Variants in RP1 observed in about 807,000 individuals in gnomAD.
RP1 encodes the protein RP1 axonemal microtubule associated, also known as oxygen-regulated protein 1.
Under a neutral mutation model 14.8 loss-of-function variants are expected in RP1, and 16 were observed. The observed-to-expected ratio is 1.08, with a 90% CI of 0.73 to 1.65. The LOEUF is 1.65. Ranked by LOEUF, RP1 falls within the 40% of genes most tolerant of loss-of-function variation. The pLI, the probability that RP1 is intolerant of heterozygous loss-of-function variation, is 0.00. For missense variants in RP1, 2,631 were observed against 2,535.0 expected (o/e 1.04, Z -0.81); for synonymous variants, 876 against 883.6 (o/e 0.99, Z 0.15).
chr8:54,687,850 T>C (rs577585558), intron 12 of RP1, among the ~76,000 whole-genome samples: 5 of 152,280 alleles, frequency 3.3e-5, no homozygotes, highest in African/African-American at 1.2e-4. Context: ...CTGGGTCAAA[T>C]GGTATTTCTG....
chr8:54,780,611 C>A (rs1453711741), intron 23 of RP1, among the ~76,000 whole-genome samples: 1 of 152,110 alleles, frequency 6.6e-6, no homozygotes, highest in Non-Finnish European at 1.5e-5. Flanking sequence ...AGACTTTTTT[C>A]TTGTCATTGT....
downstream of RP1, among the ~76,000 whole-genome samples, chr8:54,770,479 CA>C (rs933771438): frequency 3.3e-5 from 5 of 150,852 alleles, no homozygotes; most frequent in African/African-American, 4.8e-5. Flanking sequence ...TTTTTATTAA[CA>C]AAAAATTGAG....
At chr8:54,855,215 T>C (rs1321318851) in intron 26 of RP1, among the ~76,000 whole-genome samples, 1 of 152,242 alleles carries the variant, frequency 6.6e-6, no homozygotes, top group East Asian at 1.9e-4. Flanking sequence ...ATTTCATGCA[T>C]GTTGTAGCAT....
intron 6 of RP1, among the ~76,000 whole-genome samples, chr8:54,656,699 C>T (rs998983254): frequency 6.7e-6 from 1 of 150,364 alleles, no homozygotes. Context: ...GGCTCTTGTT[C>T]TACTCAGGAT....
At chr8:54,764,660 A>G (rs774432003) in intron 22 of RP1, among the ~76,000 whole-genome samples, 5 of 152,186 alleles carry the variant, frequency 3.3e-5, no homozygotes, top group African/African-American at 4.8e-5. Flanking sequence ...TCTGAAATAG[A>G]AGGGAACTAG....
chr8:54,607,808 T>A (rs949360902), intron 1 of RP1, among the ~76,000 whole-genome samples: 22 of 152,320 alleles, frequency 1.4e-4, no homozygotes, highest in Non-Finnish European at 2.9e-4. Context: ...GTGCTAGCAA[T>A]GAGCGAGGCT....
Position 54,733,880 on chromosome 8 carries a change from G to T in RP1, c.2522-665G>T, listed in dbSNP as rs975464838. ...AGCCATTCTAGCTTGGGATGTCATG[G>T]CATTCTTTACAAACAGGAGTGACTG... On this transcript the variant is annotated intron_variant, in intron 17 of 22. Transcript: ENST00000636932. Among the ~76,000 whole-genome samples, 4 of 152,118 alleles carry T rather than the reference G, an allele frequency of 2.6e-5. No individual in the cohort carries two copies. The East Asian group carries it at 7.7e-4, about 29-fold the overall frequency.
chr8:54,604,760 G>A (rs1805386333), intron 1 of RP1, among the ~76,000 whole-genome samples: 1 of 152,184 alleles, frequency 6.6e-6, no homozygotes, highest in Non-Finnish European at 1.5e-5. Context: ...TCCTGGTTTA[G>A]TCTTGGGAGG....
chr8:54,776,747 A>G (rs1247973170), intron 23 of RP1, among the ~76,000 whole-genome samples: 1 of 152,176 alleles, frequency 6.6e-6, no homozygotes, highest in African/African-American at 2.4e-5. Flanking sequence ...GCTAGAATCC[A>G]GGTTGAAAAT....
chr8:54,789,416 C>T (rs1000507319), intron 24 of RP1, among the ~76,000 whole-genome samples: 1 of 152,160 alleles, frequency 6.6e-6, no homozygotes, highest in African/African-American at 2.4e-5. Flanking sequence ...TCTTGCAGCC[C>T]TGCCTGATCA....
At chr8:54,801,596 C>A (rs993992342) in intron 24 of RP1, among the ~76,000 whole-genome samples, 5 of 151,822 alleles carry the variant, frequency 3.3e-5, no homozygotes, top group Non-Finnish European at 5.9e-5. Context: ...CGTTACTACC[C>A]CCAGCCAGAA....
At chr8:54,869,921 G>C in exon 29 of RP1, 1 of 1,231,116 alleles carries the variant, frequency 8.1e-7, no homozygotes, top group Non-Finnish European at 1.0e-6. Context: ...CAGTAGGAGA[G>C]ACTGGGTCTA....
chr8:54,688,599 G>C (rs928835533), intron 12 of RP1, among the ~76,000 whole-genome samples: 1 of 151,952 alleles, frequency 6.6e-6, no homozygotes, highest in African/African-American at 2.4e-5. Flanking sequence ...TTTCTGTCAG[G>C]TTTGTCAAAG....
At position 54,630,502 on chromosome 8, in the gene RP1, T is replaced by C. The variant is rs1021808009; in HGVS notation, c.*149T>C. The C allele has an allele frequency of 6.9e-7, 1 of 1,458,194 alleles. No individual in the cohort carries two copies. Among genetic ancestry groups the C allele is most frequent in the South Asian group, 1.5e-5 (1 of 67,626 alleles). 90.3% of individuals were successfully genotyped at this position (1,458,194 alleles called of 1,614,324 possible). A position where few individuals can be genotyped will look rare whatever the true frequency, so the allele number is the denominator to read the frequency against. ...GAAAGCTTACCCTTGGATAACCAGT[T>C]TGACTTTCATAATGTCTCTGTTTTT... On this transcript the variant is annotated 3_prime_UTR_variant, in exon 4 of 4. Coordinates refer to ENST00000220676, the MANE Select transcript of RP1 (RefSeq NM_006269.2).
chr8:54,679,954 T>G (rs2129335344), intron 12 of RP1: 1 of 1,535,054 alleles, frequency 6.5e-7, no homozygotes, highest in East Asian at 2.4e-5. Context: ...CGTACAAAGC[T>G]TGTGGTGCTG....
intron 1 of RP1, among the ~76,000 whole-genome samples, chr8:54,569,946 G>A (rs143311414): frequency 1.7e-4 from 26 of 152,290 alleles, no homozygotes; most frequent in South Asian, 6.2e-4. Flanking sequence ...CCTGGAGGAC[G>A]AGTGGGAGTA....
intron 24 of RP1, among the ~76,000 whole-genome samples, chr8:54,790,694 G>A (rs980746596): frequency 4.6e-5 from 7 of 152,078 alleles, no homozygotes; most frequent in African/African-American, 1.7e-4. Context: ...AGAATACAGT[G>A]AATGAAATGA....
At chr8:54,837,306 A>C (rs562718693) in intron 24 of RP1, 32 of 397,548 alleles carry the variant, frequency 8.0e-5, no homozygotes, top group Non-Finnish European at 4.4e-6. Context: ...ACAGCATTTC[A>C]TGGTGTTAGA....
chr8:54,869,891 C>T, exon 29 of RP1: 2 of 1,231,888 alleles, frequency 1.6e-6, no homozygotes, highest in Non-Finnish European at 2.0e-6. Context: ...GGGAATTGCT[C>T]GCAGAAAGTA....
Sources: allele counts gnomAD v4.1 joint callset (sites outside exome capture counted in the v4.1 genomes callset), GRCh38; gene constraint gnomAD v4.1.1; transcripts MANE v1.5; gene names NCBI Gene and HGNC (gene_info 2026-07-23, HGNC 2026-07-21).